DNM1: variants seen among roughly 807,000 people sequenced by gnomAD.
DNM1 encodes the protein dynamin 1, also known as dynamin-1.
DNM1 carries 29 observed loss-of-function variants against 104.6 expected under a neutral mutation model. That is an observed-to-expected ratio of 0.28 (90% CI 0.21 to 0.38). The LOEUF (loss-of-function observed/expected upper bound fraction) is 0.38. DNM1 is among the 10% of genes least tolerant of loss of function. DNM1 has a pLI of 1.00. For synonymous variants in DNM1, 445 were observed against 475.8 expected, an observed-to-expected ratio of 0.94 and a Z score of 0.84; for missense variants, 640 against 1,189.4, an observed-to-expected ratio of 0.54 and a Z score of 6.79.
At chr9:128,252,441 G>C in intron 21 of DNM1, 1 of 402,300 alleles carries the variant, frequency 2.5e-6, no homozygotes, top group Non-Finnish European at 4.9e-6. Context: ...AGGCATGGCT[G>C]AGATAGGCTT....
chr9:128,207,971 G>T (rs1367988557), intron 1 of DNM1, among the ~76,000 whole-genome samples: 1 of 151,896 alleles, frequency 6.6e-6, no homozygotes, highest in South Asian at 2.1e-4. Context: ...AAGGGTTTTA[G>T]GTTTCCCCGT....
chr9:128,223,511 C>A (rs1214432364), intron 9 of DNM1: 1 of 152,308 alleles, frequency 6.6e-6, no homozygotes, highest in African/African-American at 2.4e-5. Flanking sequence ...TGCTCTCATG[C>A]AGGTTCATTT....
intron 1 of DNM1, among the ~76,000 whole-genome samples, chr9:128,209,953 G>T (rs1265864882): frequency 1.3e-5 from 2 of 152,246 alleles, no homozygotes. Flanking sequence ...CTAAGTGTAA[G>T]TCTCAGACTA....
In DNM1 at chr9:128,245,436, C is replaced by A. The variant is rs1361213499; in HGVS notation, c.1672-958C>A. Among the ~76,000 whole-genome samples, 1 of 151,944 alleles carries A rather than the reference C, an allele frequency of 6.6e-6. No individual in the cohort carries two copies. Among genetic ancestry groups the A allele is most frequent in the Non-Finnish European group, 1.5e-5 (1 of 67,964 alleles). ...AGTAGGGCATGGGTGACAAAAACCC[C>A]TCCCCTCTCCCAGAGCCCCATCCTG... On this transcript the variant is annotated intron_variant, in intron 15 of 21. Transcript: ENST00000372923. The surrounding 1 kb of genome is among the most constrained non-coding windows in gnomAD (Gnocchi z 5.2).
In DNM1 at chr9:128,225,953, T is replaced by C. The variant is rs573263907; in HGVS notation, c.1335+1564T>C. The C allele has an allele frequency of 8.6e-5, 115 of 1,339,662 alleles. 1 individual carries two copies. In the East Asian group the frequency reaches 2.2e-3, roughly 25 times the overall value. 83.0% of individuals were successfully genotyped at this position (1,339,662 alleles called of 1,614,324 possible). On this transcript the variant is annotated intron_variant, in intron 10 of 21. Coordinates refer to ENST00000372923, the MANE Select transcript of DNM1 (RefSeq NM_004408.4). ...GCCATCCTCTCCACCCCTGGATTCC[T>C]GTCTCTGCTTGGCTTTCACCCACTT... is the stretch of plus-strand genomic sequence containing the variant.
chr9:128,221,906 T>A (rs1034151606), intron 6 of DNM1, among the ~76,000 whole-genome samples: 6 of 151,894 alleles, frequency 4.0e-5, no homozygotes, highest in Admixed American at 6.6e-5. Context: ...CTCAAAAAAA[T>A]AATAATAATA....
At chr9:128,233,260 A>G (rs1166454211) in intron 10 of DNM1, among the ~76,000 whole-genome samples, 1 of 152,156 alleles carries the variant, frequency 6.6e-6, no homozygotes, top group Non-Finnish European at 1.5e-5. Context: ...AGCCGGGCAG[A>G]TGTGGCTGGG....
At chr9:128,249,116 C>T (rs1829347072) in intron 19 of DNM1, among the ~76,000 whole-genome samples, 1 of 151,686 alleles carries the variant, frequency 6.6e-6, no homozygotes, top group African/African-American at 2.4e-5. Context: ...TCACTTGAAC[C>T]CAGGAGGCGG....
rs1452384551 is a variant in DNM1 at position 128,209,229 on chromosome 9, C to A, written c.161+5598C>A. On this transcript the variant is annotated intron_variant, in intron 1 of 21. Transcript: ENST00000372923. The stretch of plus-strand genomic sequence containing the variant: ...AACATGGAAATGCACCCATCCACAG[C>A]CAGAGGACATCCTCTCCAAACCCAC... Among the ~76,000 whole-genome samples, 43 of 152,174 alleles carry A rather than the reference C, an allele frequency of 2.8e-4. 1 individual carries two copies. The highest frequency in any genetic ancestry group is 2.8e-3 in the Admixed American group (43 of 15,280).
chr9:128,249,384 C>T (rs1001306526), intron 19 of DNM1, among the ~76,000 whole-genome samples: 6 of 151,730 alleles, frequency 4.0e-5, no homozygotes, highest in African/African-American at 9.7e-5. Flanking sequence ...TGGCCGGGCG[C>T]GGTAGTTCAT....
chr9:128,250,471 A>AG, intron 20 of DNM1, 115 bp downstream of exon 20: 1 of 1,212,222 alleles, frequency 8.2e-7, no homozygotes. Flanking sequence ...ACCTGGAGCG[A>AG]GGGGCGGAGC....
chr9:128,210,831 A>G (rs941615115), intron 1 of DNM1, among the ~76,000 whole-genome samples: 26 of 151,866 alleles, frequency 1.7e-4, no homozygotes, highest in African/African-American at 6.0e-4. Flanking sequence ...GCACACACCT[A>G]CACACCTCAG....
At chr9:128,221,773 G>A (rs1424935643) in intron 6 of DNM1, among the ~76,000 whole-genome samples, 2 of 152,014 alleles carry the variant, frequency 1.3e-5, no homozygotes, top group Admixed American at 1.3e-4. Flanking sequence ...CACGCCTGTA[G>A]TCCCAGTTAC....
In DNM1 at chr9:128,247,535, CT is replaced by C; in HGVS notation, c.1893+50del. 4 of 1,415,930 alleles carry C rather than the reference CT, an allele frequency of 2.8e-6. No individual in the cohort carries two copies. The highest frequency in any genetic ancestry group is 3.9e-6 in the Non-Finnish European group (4 of 1,013,008). The allele number at this position is 1,415,930 out of a possible 1,614,324, so 87.7% of individuals were successfully genotyped here. Reference sequence around the variant, plus strand: ...AAGGGCAAGCATGATCCTAGGGCCCCTGGGGCACCATCCTCAGTGATGCCAA... The same window carrying C: ...AAGGGCAAGCATGATCCTAGGGCCCCGGGGCACCATCCTCAGTGATGCCAA... On this transcript the variant is annotated intron_variant, in intron 17 of 21. Transcript: ENST00000372923. The surrounding 1 kb of genome is among the most constrained non-coding windows in gnomAD (Gnocchi z 5.1).
chr9:128,223,194 A>G (rs1835125072), intron 9 of DNM1: 1 of 328,932 alleles, frequency 3.0e-6, no homozygotes, highest in Non-Finnish European at 5.8e-6. Flanking sequence ...CCAAACCACT[A>G]CGAGGGCCTG....
rs115750361 is a variant in DNM1 at position 128,224,482 on chromosome 9, G to A, written c.1335+93G>A. The A allele has an allele frequency of 3.5e-5, 46 of 1,329,754 alleles. No homozygotes were observed. Among genetic ancestry groups the A allele is most frequent in the Non-Finnish European group, 4.4e-5 (42 of 959,342 alleles). The allele number at this position is 1,329,754 out of a possible 1,614,324, so 82.4% of individuals were successfully genotyped here. A position where few individuals can be genotyped will look rare whatever the true frequency, so the allele number is the denominator to read the frequency against. On this transcript the variant is annotated intron_variant, in intron 10 of 21. Transcript: ENST00000372923. This position sits in a 1 kb window ranked among gnomAD's most constrained non-coding sequence, Gnocchi z 4.3. ...TCCCCATGTCCCCCCCTGCCTCCTC[G>A]GTAGCATGTACAGACCTCAGCGGGG...
At position 128,231,437 on chromosome 9, in the gene DNM1, G is replaced by T. The variant is rs528994123; in HGVS notation, c.1336-2584G>T. The stretch of plus-strand genomic sequence containing the variant: ...GCTGGTCTCGAACTCCCGACCTCAG[G>T]TGATCTGCCCACCTCGGCCTCCCAA... On this transcript the variant is annotated intron_variant, in intron 10 of 21. Transcript: ENST00000372923. Among the ~76,000 whole-genome samples, 17 of 152,224 alleles carry T rather than the reference G, an allele frequency of 1.1e-4. No individual in the cohort carries two copies. The East Asian group carries it at 2.5e-3, about 22-fold the overall frequency.
At chr9:128,239,359 G>A (rs766484578) in intron 11 of DNM1, 86 bp from the exon 12 acceptor site, 18 of 971,954 alleles carry the variant, frequency 1.9e-5, no homozygotes, top group South Asian at 6.7e-5. Flanking sequence ...TATATGTGCT[G>A]CAAGTACTTT....
chr9:128,241,528 G>C (rs759337495), intron 14 of DNM1, among the ~76,000 whole-genome samples: 1 of 152,014 alleles, frequency 6.6e-6, no homozygotes, highest in Non-Finnish European at 1.5e-5. Context: ...AATATGTATT[G>C]ATCACTTACT....
Sources: gnomAD v4.1 joint callset for allele counts (sites outside exome capture counted in the v4.1 genomes callset) on GRCh38, gnomAD v4.1.1 for gene constraint, Gnocchi (gnomAD v3.1) non-coding constraint, MANE v1.5 for transcripts, NCBI Gene and HGNC (gene_info 2026-07-23, HGNC 2026-07-21) for gene names.